The following SYNGR1 variants were observed in gnomAD, a reference collection of about 807,000 sequenced individuals.
SYNGR1 encodes synaptogyrin-1.
Under a neutral mutation model 26.1 loss-of-function variants are expected in SYNGR1, and 14 were observed. The ratio of observed to expected loss-of-function variants is 0.54; its 90% confidence interval spans 0.35 to 0.84. SYNGR1 has a LOEUF of 0.84. SYNGR1 is among the 40% of genes least tolerant of loss of function. The pLI is 0.01. For missense variants in SYNGR1, 319 were observed against 332.9 expected (o/e 0.96, Z 0.33); for synonymous variants, 141 against 150.1 (o/e 0.94, Z 0.44).
intron 1 of SYNGR1, among the ~76,000 whole-genome samples, chr22:39,362,007 T>C (rs1217622874): frequency 1.6e-5 from 2 of 121,970 alleles, no homozygotes; most frequent in African/African-American, 7.6e-5. Flanking sequence ...TGTTTCCTCC[T>C]TTCTCTCCTT....
In SYNGR1 at chr22:39,374,553, G is replaced by A; in HGVS notation, c.337G>A (p.Ala113Thr). The change falls in exon 2 of 4, where the codon GCC (alanine) becomes ACC (threonine). Residue 113 changes from alanine (A) to threonine (T), a missense_variant and splice_region_variant. Ala to Thr is a moderately conservative substitution (Grantham distance 58). Coordinates refer to ENST00000328933, the MANE Select transcript of SYNGR1 (RefSeq NM_004711.5). The stretch of plus-strand genomic sequence containing the variant: ...CGTCCTGTCCGACATCGGTGTCTCG[G>A]GTGAGCCCCACCCAGCAGGTACCCC... ...KAVLSDIGVS[A>T]FWAFLWFVGF... 6.2e-7 allele frequency: 1 copy of A among 1,613,060 alleles called. No individual in the cohort carries two copies. Among genetic ancestry groups the A allele is most frequent in the Non-Finnish European group, 8.5e-7 (1 of 1,179,968 alleles).
chr22:39,377,938 G>C lies in SYNGR1; in HGVS notation c.483+1741G>C, dbSNP rs1318977520. ...CTGTTTTGTGCCTAGTGATGAATTA[G>C]GTGGGGTCCTTGGCTCCAGGAGCCC... is the stretch of plus-strand genomic sequence containing the variant. On this transcript the variant is annotated intron_variant, in intron 3 of 3. Coordinates refer to ENST00000328933, the MANE Select transcript of SYNGR1 (RefSeq NM_004711.5). The C allele has an allele frequency of 3.0e-6, 4 of 1,329,468 alleles. No individual in the cohort carries two copies. In the East Asian group the frequency reaches 1.0e-4, roughly 35 times the overall value. The allele number at this position is 1,329,468 out of a possible 1,614,324, so 82.4% of individuals were successfully genotyped here. A position where few individuals can be genotyped will look rare whatever the true frequency, so the allele number is the denominator to read the frequency against.
chr22:39,371,531 C>T (rs1019267755), intron 1 of SYNGR1, among the ~76,000 whole-genome samples: 4 of 150,538 alleles, frequency 2.7e-5, no homozygotes, highest in South Asian at 2.1e-4. Flanking sequence ...GGCTCACGCC[C>T]GTAATCCCAG....
At chr22:39,373,683 A>G (rs1925137495) in intron 1 of SYNGR1, among the ~76,000 whole-genome samples, 1 of 150,828 alleles carries the variant, frequency 6.6e-6, no homozygotes. Flanking sequence ...GGGTTTTGCC[A>G]TGTTGCCCAG....
intron 1 of SYNGR1, among the ~76,000 whole-genome samples, chr22:39,357,352 A>G (rs1301873333): frequency 2.6e-5 from 4 of 151,950 alleles, no homozygotes; most frequent in African/African-American, 9.7e-5. Flanking sequence ...AGGTCTATGC[A>G]TGGGAGTGAG....
chr22:39,372,120 ATTCTT>A (rs1925049311), intron 1 of SYNGR1, among the ~76,000 whole-genome samples: 1 of 131,100 alleles, frequency 7.6e-6, no homozygotes, highest in African/African-American at 2.9e-5. Context: ...GGGTAGATCC[ATTCTT>A]TTTTTTTTTT....
chr22:39,377,383 A>T (rs1925331055), intron 3 of SYNGR1: 2 of 985,256 alleles, frequency 2.0e-6, no homozygotes, highest in African/African-American at 1.7e-5. Flanking sequence ...ACCCCAGGGG[A>T]TCTCAGTCCA....
chr22:39,379,910 CAG>C (rs986076514), intron 3 of SYNGR1: 12 of 152,214 alleles, frequency 7.9e-5, no homozygotes, highest in African/African-American at 2.7e-4. Flanking sequence ...AGCCCTAAAA[CAG>C]GGGTCTGGAG....
intron 1 of SYNGR1, among the ~76,000 whole-genome samples, chr22:39,354,047 A>G (rs375355519): frequency 5.2e-4 from 79 of 152,222 alleles, no homozygotes; most frequent in African/African-American, 1.8e-3. Flanking sequence ...AATTTTTAGT[A>G]GAGACGGGGT....
intron 1 of SYNGR1, chr22:39,364,035 C>A: frequency 1.6e-6 from 2 of 1,225,508 alleles, no homozygotes; most frequent in Non-Finnish European, 1.1e-6. Context: ...ACAGCTCGCC[C>A]TGAGCCTTCG....
At chr22:39,351,503 G>T (rs1312652667) in intron 1 of SYNGR1, among the ~76,000 whole-genome samples, 1 of 152,214 alleles carries the variant, frequency 6.6e-6, no homozygotes, top group Non-Finnish European at 1.5e-5. Context: ...ATTTATCTGT[G>T]CCAGTCTCCT....
chr22:39,350,035 G>C lies in SYNGR1; in HGVS notation c.25G>C (p.Gly9Arg). Residue 9 changes from glycine (G) to arginine (R), a missense_variant, in exon 1 of 4, where the codon GGC becomes CGC. Transcript: ENST00000328933. This position sits in a 1 kb window ranked among gnomAD's most constrained non-coding sequence, Gnocchi z 4.3. MEGGAYGA[G>R]KAGGAFDPYT... ...GATGGAAGGGGGTGCGTACGGAGCG[G>C]GCAAAGCCGGGGGCGCCTTCGACCC... The C allele has an allele frequency of 7.1e-7, 1 of 1,403,866 alleles. No homozygotes were observed. The highest frequency in any genetic ancestry group is 9.4e-7 in the Non-Finnish European group (1 of 1,060,792). 87.0% of individuals were successfully genotyped at this position (1,403,866 alleles called of 1,614,324 possible). A position where few individuals can be genotyped will look rare whatever the true frequency, so the allele number is the denominator to read the frequency against.
chr22:39,372,235 G>A (rs1010642872), intron 1 of SYNGR1, among the ~76,000 whole-genome samples: 11 of 147,400 alleles, frequency 7.5e-5, no homozygotes, highest in African/African-American at 2.0e-4. Flanking sequence ...GGGTTCAAGC[G>A]ATTCTCCTGC....
intron 1 of SYNGR1, among the ~76,000 whole-genome samples, chr22:39,369,729 G>A (rs1259329638): frequency 1.3e-5 from 2 of 152,206 alleles, no homozygotes; most frequent in African/African-American, 2.4e-5. Context: ...CACTCTAGGG[G>A]TGATGGTGAG....
Position 39,384,071 on chromosome 22 carries a change from G to A in SYNGR1, c.*2157G>A, listed in dbSNP as rs1399329519. On this transcript the variant is annotated 3_prime_UTR_variant, in exon 4 of 4. Coordinates refer to ENST00000328933, the MANE Select transcript of SYNGR1 (RefSeq NM_004711.5). Reference sequence around the variant, plus strand: ...TCTGTTGGCCTGAAGAGTGAAACCTGTACCAGGCCAAAGGTGAGGGCGTGA... The same window carrying A: ...TCTGTTGGCCTGAAGAGTGAAACCTATACCAGGCCAAAGGTGAGGGCGTGA... 2 of 154,480 alleles carry A rather than the reference G, an allele frequency of 1.3e-5. No homozygotes were observed. The highest frequency in any genetic ancestry group is 2.9e-5 in the Non-Finnish European group (2 of 69,620). The allele number at this position is 154,480 out of a possible 1,614,324, so 9.6% of individuals were successfully genotyped here. A position where few individuals can be genotyped will look rare whatever the true frequency, so the allele number is the denominator to read the frequency against.
chr22:39,381,971 G>A lies in SYNGR1; in HGVS notation c.*57G>A. On this transcript the variant is annotated 3_prime_UTR_variant, in exon 4 of 4. Coordinates refer to ENST00000328933, the MANE Select transcript of SYNGR1 (RefSeq NM_004711.5). The stretch of plus-strand genomic sequence containing the variant: ...CATCTGTCCCCTCTCTCCACACCCA[G>A]CCCCTGCTCCTGCCCAGGCTGCCCT... 1 of 1,532,014 alleles carries A rather than the reference G, an allele frequency of 6.5e-7. No homozygotes were observed. The highest frequency in any genetic ancestry group is 8.8e-7 in the Non-Finnish European group (1 of 1,135,696). 94.9% of individuals were successfully genotyped at this position (1,532,014 alleles called of 1,614,324 possible).
At chr22:39,360,261 C>G (rs1297462984) in intron 1 of SYNGR1, among the ~76,000 whole-genome samples, 1 of 152,214 alleles carries the variant, frequency 6.6e-6, no homozygotes, top group East Asian at 1.9e-4. Flanking sequence ...GTTTCGCCCT[C>G]TCTACTCTTG....
intron 1 of SYNGR1, among the ~76,000 whole-genome samples, 198 bp from the exon 2 acceptor site, chr22:39,374,118 T>C (rs1396328979): frequency 1.3e-5 from 2 of 152,150 alleles, no homozygotes; most frequent in East Asian, 1.9e-4. Flanking sequence ...AAGGAAGTGA[T>C]TGACCCCCAC....
intron 1 of SYNGR1, among the ~76,000 whole-genome samples, chr22:39,369,274 G>A (rs1331600328): frequency 6.7e-6 from 1 of 148,884 alleles, no homozygotes; most frequent in Non-Finnish European, 1.5e-5. Flanking sequence ...TGCAGTCCAC[G>A]GCCCAAGCAG....
Sources: gnomAD v4.1 joint callset for allele counts (sites outside exome capture counted in the v4.1 genomes callset) on GRCh38, gnomAD v4.1.1 for gene constraint, Gnocchi (gnomAD v3.1) non-coding constraint, MANE v1.5 for transcripts, NCBI Gene and HGNC (gene_info 2026-07-23, HGNC 2026-07-21) for gene names.